Variants in KLRG1 observed in about 807,000 individuals in gnomAD.
The protein encoded by KLRG1 is killer cell lectin like receptor G1, also known as killer cell lectin-like receptor subfamily G member 1.
In KLRG1, 16 loss-of-function variants were observed where a neutral mutation model predicts 21.8. The ratio of observed to expected loss-of-function variants is 0.73; its 90% confidence interval spans 0.50 to 1.11. The LOEUF is 1.11. Among genes scored for constraint, KLRG1 ranks in the 50% most tolerant of loss-of-function variants. The pLI is 0.00. For synonymous variants in KLRG1, 69 were observed against 75.9 expected (o/e 0.91, Z 0.47); for missense variants, 173 against 218.3 (o/e 0.79, Z 1.31).
At chr12:9,197,977 A>G in the KLRG1 span, among the ~76,000 whole-genome samples, 2 of 134,870 alleles carry the variant, frequency 1.5e-5, no homozygotes, top group Non-Finnish European at 3.1e-5. Context: ...ATATATTAAT[A>G]TATATTATAT....
intron 1 of KLRG1, among the ~76,000 whole-genome samples, chr12:8,978,617 GTCTT>G (rs1456038508): frequency 6.6e-6 from 1 of 151,762 alleles, no homozygotes; most frequent in Non-Finnish European, 1.5e-5. Context: ...ACATGTGACA[GTCTT>G]TCTTTTTCTT....
At chr12:9,093,059 A>G in the KLRG1 span, among the ~76,000 whole-genome samples, 1 of 152,210 alleles carries the variant, frequency 6.6e-6, no homozygotes, top group African/African-American at 2.4e-5. Flanking sequence ...AGTTGAATAC[A>G]TAGGAACAGA....
At chr12:9,096,678 C>A in the KLRG1 span, among the ~76,000 whole-genome samples, 3 of 152,180 alleles carry the variant, frequency 2.0e-5, no homozygotes, top group Non-Finnish European at 4.4e-5. Flanking sequence ...GAGTTTAAAA[C>A]TGATTGACAA....
chr12:9,044,046 C>T, the KLRG1 span, among the ~76,000 whole-genome samples: 6 of 152,184 alleles, frequency 3.9e-5, no homozygotes, highest in Admixed American at 2.0e-4. Flanking sequence ...CCAGGTAAGC[C>T]ATGTCAACCC....
At chr12:9,095,274 GTAAT>G in the KLRG1 span, among the ~76,000 whole-genome samples, 1 of 152,074 alleles carries the variant, frequency 6.6e-6, no homozygotes, top group Non-Finnish European at 1.5e-5. Context: ...TCTTTCAACA[GTAAT>G]TATTTTGTAT....
the KLRG1 span, among the ~76,000 whole-genome samples, chr12:9,176,058 TAA>T: frequency 6.6e-6 from 1 of 152,106 alleles, no homozygotes; most frequent in Non-Finnish European, 1.5e-5. Context: ...GGAATCAATC[TAA>T]ATGCCCATCA....
the KLRG1 span, among the ~76,000 whole-genome samples, chr12:9,037,540 A>G: frequency 6.6e-6 from 1 of 152,190 alleles, no homozygotes; most frequent in Middle Eastern, 3.2e-3. Flanking sequence ...TTTAAAATGA[A>G]TTTACTATAG....
At chr12:8,998,406 C>T (rs1947201284) in intron 3 of KLRG1, among the ~76,000 whole-genome samples, 1 of 151,924 alleles carries the variant, frequency 6.6e-6, no homozygotes, top group South Asian at 2.1e-4. Context: ...AAATTCTACT[C>T]CAGTGGGCAT....
chr12:9,150,010 T>G, the KLRG1 span, among the ~76,000 whole-genome samples: 1 of 152,212 alleles, frequency 6.6e-6, no homozygotes, highest in Non-Finnish European at 1.5e-5. Context: ...TCCTCTAGGA[T>G]CCAAATCAGA....
chr12:8,973,169 A>G (rs1225552025), intron 1 of KLRG1, among the ~76,000 whole-genome samples: 2 of 67,650 alleles, frequency 3.0e-5, no homozygotes, highest in African/African-American at 6.5e-5. Flanking sequence ...AAAAGAAAAA[A>G]AAAAAAAAAA....
intron 1 of KLRG1, among the ~76,000 whole-genome samples, chr12:8,959,562 TCTC>T (rs1348552484): frequency 2.6e-5 from 4 of 152,146 alleles, no homozygotes; most frequent in Non-Finnish European, 5.9e-5. Flanking sequence ...TGTCTGTCGT[TCTC>T]CTCACTTGGC....
the KLRG1 span, chr12:9,111,382 T>TAGATCTC: frequency 2.8e-6 from 1 of 360,086 alleles, no homozygotes; most frequent in Admixed American, 3.3e-5. Context: ...GTGATGGGTG[T>TAGATCTC]GGTGCCTCAT....
chr12:9,077,492 CTG>C, the KLRG1 span: 1 of 1,504,566 alleles, frequency 6.6e-7, no homozygotes, highest in Admixed American at 1.9e-5. Context: ...TTCTATTCTG[CTG>C]TGTCATGGAA....
At chr12:9,105,572 G>C in the KLRG1 span, among the ~76,000 whole-genome samples, 96 of 152,114 alleles carry the variant, frequency 6.3e-4, 1 homozygote, top group Admixed American at 3.9e-4. Flanking sequence ...TGTGATCTCA[G>C]ACTTCTAGAG....
intron 1 of KLRG1, among the ~76,000 whole-genome samples, chr12:8,963,693 A>G (rs1946417655): frequency 6.6e-6 from 1 of 152,140 alleles, no homozygotes; most frequent in South Asian, 2.1e-4. Flanking sequence ...TAAGCTATTG[A>G]TTATTGCCTC....
rs763136452 is a variant in KLRG1 at position 8,952,420 on chromosome 12, A to G, written c.-156+2184A>G. ...TTGCCCAGGCTTGTCTTGAACTCCT[A>G]AACTCAAATAATCTGCCTGCCTCAG... On this transcript the variant is annotated intron_variant, in intron 1 of 4. Coordinates refer to the KLRG1 transcript ENST00000539240. 1.8e-4 allele frequency among the ~76,000 whole-genome samples: 27 copies of G among 152,272 alleles called. 1 individual carries two copies. The South Asian group carries it at 5.4e-3, about 30-fold the overall frequency.
At chr12:9,025,681 G>A in the KLRG1 span, among the ~76,000 whole-genome samples, 2 of 152,126 alleles carry the variant, frequency 1.3e-5, no homozygotes, top group Non-Finnish European at 2.9e-5. Context: ...ATGCTTTATA[G>A]ACCAAGATTC....
At chr12:8,952,284 A>C (rs930911937) in intron 1 of KLRG1, among the ~76,000 whole-genome samples, 1 of 152,212 alleles carries the variant, frequency 6.6e-6, no homozygotes, top group Non-Finnish European at 1.5e-5. Flanking sequence ...TAAGAGAGGA[A>C]GGTAATTAAC....
the KLRG1 span, chr12:9,160,088 T>C: frequency 6.8e-7 from 1 of 1,464,216 alleles, no homozygotes; most frequent in East Asian, 2.3e-5. Context: ...TCCATATGTT[T>C]AGGCTCATGC....
Sources: allele counts gnomAD v4.1 joint callset (sites outside exome capture counted in the v4.1 genomes callset), GRCh38; gene constraint gnomAD v4.1.1; transcripts MANE v1.5; gene names NCBI Gene and HGNC (gene_info 2026-07-23, HGNC 2026-07-21).